The following SCFD2 variants were observed in gnomAD, a reference collection of about 807,000 sequenced individuals.
SCFD2 encodes sec1 family domain-containing protein 2.
SCFD2 carries 54 observed loss-of-function variants against 58.9 expected under a neutral mutation model. That is an observed-to-expected ratio of 0.92 (90% CI 0.74 to 1.15). SCFD2 has a LOEUF of 1.15. Ranked by LOEUF, SCFD2 falls within the 50% of genes most tolerant of loss-of-function variation. SCFD2 has a pLI of 0.00. For synonymous variants in SCFD2, 321 were observed against 335.9 expected, an observed-to-expected ratio of 0.96 and a Z score of 0.49; for missense variants, 805 against 836.6, an observed-to-expected ratio of 0.96 and a Z score of 0.47.
chr4:53,027,325 C>T (rs369111081), intron 5 of SCFD2, among the ~76,000 whole-genome samples: 14 of 151,946 alleles, frequency 9.2e-5, no homozygotes, highest in Admixed American at 6.6e-5. Flanking sequence ...AAGTGTCCTG[C>T]GCAGTGATGT....
At chr4:52,911,569 G>A (rs1019619064) in intron 6 of SCFD2, among the ~76,000 whole-genome samples, 1 of 152,090 alleles carries the variant, frequency 6.6e-6, no homozygotes, top group Admixed American at 6.6e-5. Context: ...AAGAAACTAT[G>A]ATTTAAAATA....
Position 53,204,306 on chromosome 4 carries a change from G to T in SCFD2, c.1312-58724C>A, listed in dbSNP as rs1486387559. On this transcript the variant is annotated intron_variant, in intron 4 of 8. Coordinates refer to ENST00000401642, the MANE Select transcript of SCFD2 (RefSeq NM_152540.4). ...TAAAAAAGCAATTTGGAAAATCCATGCAGGGAAAAGGAAATGTCCAAAAAA... is the reference window on the plus strand; with the variant it reads ...TAAAAAAGCAATTTGGAAAATCCATTCAGGGAAAAGGAAATGTCCAAAAAA... Among the ~76,000 whole-genome samples the T allele has an allele frequency of 3.3e-5, 5 of 151,822 alleles. No individual in the cohort carries two copies. The East Asian group carries it at 9.7e-4, about 29-fold the overall frequency.
At chr4:52,953,335 T>C (rs1720642775) in intron 5 of SCFD2, among the ~76,000 whole-genome samples, 1 of 152,214 alleles carries the variant, frequency 6.6e-6, no homozygotes, top group Non-Finnish European at 1.5e-5. Flanking sequence ...TGCCAATGAC[T>C]GTGATTTGGA....
intron 5 of SCFD2, among the ~76,000 whole-genome samples, chr4:53,100,458 TGGTTTC>T (rs1560335529): frequency 2.0e-5 from 3 of 152,176 alleles, no homozygotes; most frequent in Non-Finnish European, 4.4e-5. Context: ...TGGATAGAAA[TGGTTTC>T]ATAACGTGAT....
chr4:52,935,166 C>G (rs563515203), intron 5 of SCFD2, among the ~76,000 whole-genome samples: 1 of 152,272 alleles, frequency 6.6e-6, no homozygotes, highest in East Asian at 1.9e-4. Context: ...TTGGAACTTC[C>G]CAAAACAGTG....
chr4:53,324,733 G>C lies in SCFD2; in HGVS notation c.1008-10970C>G, dbSNP rs182342570. Among the ~76,000 whole-genome samples the C allele has an allele frequency of 5.1e-4, 78 of 152,254 alleles. No homozygotes were observed. The Middle Eastern group carries it at 0.014, about 27-fold the overall frequency. On this transcript the variant is annotated intron_variant, in intron 2 of 8. Coordinates refer to ENST00000401642, the MANE Select transcript of SCFD2 (RefSeq NM_152540.4). ...CCGGTACATGGCGCTGGGGTGATGA[G>C]GGCAGGGGAATATTGGCTGGGAGCA...
chr4:53,209,478 TG>T (rs1728536654), intron 4 of SCFD2, among the ~76,000 whole-genome samples: 1 of 152,148 alleles, frequency 6.6e-6, no homozygotes, highest in African/African-American at 2.4e-5. Context: ...AATGTCCATT[TG>T]GGTATTCCTT....
chr4:53,076,580 G>A (rs751321161), intron 5 of SCFD2, among the ~76,000 whole-genome samples: 1 of 152,150 alleles, frequency 6.6e-6, no homozygotes, highest in African/African-American at 2.4e-5. Flanking sequence ...GAGCAGAGGT[G>A]TTGGTGAAAT....
chr4:53,086,583 A>G (rs916686650), intron 5 of SCFD2, among the ~76,000 whole-genome samples: 2 of 152,216 alleles, frequency 1.3e-5, no homozygotes, highest in African/African-American at 2.4e-5. Context: ...CTGCACTCAC[A>G]TGTTTGTTGT....
chr4:53,012,491 G>A (rs1722118202), intron 5 of SCFD2, among the ~76,000 whole-genome samples: 1 of 152,024 alleles, frequency 6.6e-6, no homozygotes, highest in African/African-American at 2.4e-5. Context: ...AAGAACCCAG[G>A]GCTGGCTATT....
chr4:53,341,640 C>T (rs1285824554), intron 2 of SCFD2, among the ~76,000 whole-genome samples: 2 of 152,028 alleles, frequency 1.3e-5, no homozygotes, highest in Non-Finnish European at 2.9e-5. Flanking sequence ...AGAGCAACTC[C>T]AAGACACATA....
chr4:53,287,291 C>T (rs1239791293), intron 3 of SCFD2, among the ~76,000 whole-genome samples: 1 of 152,170 alleles, frequency 6.6e-6, no homozygotes, highest in Admixed American at 6.5e-5. Context: ...AACACAGCAC[C>T]ACTATCACTG....
intron 5 of SCFD2, among the ~76,000 whole-genome samples, chr4:53,005,106 C>G (rs144117032): frequency 2.6e-5 from 4 of 152,076 alleles, no homozygotes; most frequent in Admixed American, 2.0e-4. Flanking sequence ...CTATGTTAGC[C>G]AGGCTGGTCT....
intron 4 of SCFD2, among the ~76,000 whole-genome samples, chr4:53,166,546 T>A (rs1727014945): frequency 1.3e-5 from 2 of 151,998 alleles, no homozygotes; most frequent in African/African-American, 4.8e-5. Flanking sequence ...GAGACAAATT[T>A]TGAAGTTACA....
At chr4:53,039,364 T>C (rs1722838695) in intron 5 of SCFD2, among the ~76,000 whole-genome samples, 1 of 152,214 alleles carries the variant, frequency 6.6e-6, no homozygotes, top group African/African-American at 2.4e-5. Flanking sequence ...AGCCTTAAAA[T>C]ACCAATTTCA....
chr4:53,173,430 A>T (rs1727237171), intron 4 of SCFD2, among the ~76,000 whole-genome samples: 1 of 152,080 alleles, frequency 6.6e-6, no homozygotes, highest in Non-Finnish European at 1.5e-5. Flanking sequence ...ATTTGTGTGG[A>T]ATATCTTTTT....
intron 4 of SCFD2, among the ~76,000 whole-genome samples, chr4:53,216,401 C>G (rs1728835418): frequency 1.3e-5 from 2 of 152,240 alleles, no homozygotes; most frequent in South Asian, 4.2e-4. Flanking sequence ...AGGAATTTAT[C>G]CATTTCTTCT....
At chr4:52,987,428 A>C (rs2109577430) in intron 5 of SCFD2, among the ~76,000 whole-genome samples, 1 of 152,296 alleles carries the variant, frequency 6.6e-6, no homozygotes, top group South Asian at 2.1e-4. Flanking sequence ...TTCATTTTCA[A>C]ATGGCCATTC....
chr4:52,979,933 T>C (rs997452725), intron 5 of SCFD2, among the ~76,000 whole-genome samples: 6 of 152,134 alleles, frequency 3.9e-5, no homozygotes, highest in African/African-American at 1.4e-4. Context: ...TCTGTTCCCC[T>C]CATTTAGGTT....
Sources: allele counts gnomAD v4.1 joint callset (sites outside exome capture counted in the v4.1 genomes callset), GRCh38; gene constraint gnomAD v4.1.1; transcripts MANE v1.5; gene names NCBI Gene and HGNC (gene_info 2026-07-23, HGNC 2026-07-21).